The following SPINK9 variants were observed in gnomAD, a reference collection of about 807,000 sequenced individuals.
SPINK9 encodes the protein serine protease inhibitor Kazal-type 9.
SPINK9 carries 3 observed loss-of-function variants against 10.8 expected under a neutral mutation model. That is an observed-to-expected ratio of 0.28 (90% confidence interval 0.13 to 0.72). The LOEUF (loss-of-function observed/expected upper bound fraction) is 0.72. SPINK9 is among the 30% of genes least tolerant of loss of function. The probability of loss-of-function intolerance (pLI) is 0.74; values close to 1 mark genes in which losing one functional copy is unlikely to be tolerated. For synonymous variants in SPINK9, 30 were observed against 31.2 expected (o/e 0.96, Z 0.12); for missense variants, 101 against 103.2 (o/e 0.98, Z 0.09).
chr5:148,339,507 C>T (rs186369153), intron 3 of SPINK9, among the ~76,000 whole-genome samples, 160 bp from the exon 4 acceptor site: 4 of 152,096 alleles, frequency 2.6e-5, no homozygotes, highest in South Asian at 4.1e-4. Flanking sequence ...ATAATCAGCA[C>T]CAGTTTCAAA....
At chr5:148,333,254 G>A (rs765869063), upstream of SPINK9, among the ~76,000 whole-genome samples, 3 of 152,164 alleles carry the variant, frequency 2.0e-5, no homozygotes, top group Non-Finnish European at 4.4e-5. Flanking sequence ...TTTTTACATA[G>A]CATTTTCCAA....
upstream of SPINK9, among the ~76,000 whole-genome samples, chr5:148,331,850 G>T (rs1021777074): frequency 6.6e-6 from 1 of 152,102 alleles, no homozygotes; most frequent in Non-Finnish European, 1.5e-5. Context: ...ATACTGTTTT[G>T]ATTACTATAG....
intron 2 of SPINK9, among the ~76,000 whole-genome samples, chr5:148,328,135 T>C (rs1005434740): frequency 4.6e-5 from 7 of 152,250 alleles, no homozygotes; most frequent in South Asian, 4.1e-4. Context: ...TTCCTATCCA[T>C]GAGCAAGGAA....
intron 1 of SPINK9, 145 bp downstream of exon 1, chr5:148,335,813 A>C: frequency 1.1e-6 from 1 of 887,262 alleles, no homozygotes. Flanking sequence ...CAACCAACGA[A>C]TTGCTAAATC....
upstream of SPINK9, among the ~76,000 whole-genome samples, chr5:148,332,191 A>T (rs188669144): frequency 6.6e-6 from 1 of 152,320 alleles, no homozygotes; most frequent in African/African-American, 2.4e-5. Flanking sequence ...TAACGTGATA[A>T]ATCTGTTCCT....
At chr5:148,322,509 T>C (rs1047185883) in intron 1 of SPINK9, among the ~76,000 whole-genome samples, 5 of 152,194 alleles carry the variant, frequency 3.3e-5, no homozygotes, top group African/African-American at 1.2e-4. Context: ...ATTGCTTATG[T>C]GGAAGTCCAA....
Position 148,335,593 on chromosome 5 carries a change from T to C in SPINK9, c.-21T>C. The C allele has an allele frequency of 6.2e-7, 1 of 1,612,804 alleles. No individual in the cohort carries two copies. The highest frequency in any genetic ancestry group is 8.5e-7 in the Non-Finnish European group (1 of 1,179,348). On this transcript the variant is annotated 5_prime_UTR_variant, in exon 1 of 4. Coordinates refer to ENST00000377906, the MANE Select transcript of SPINK9 (RefSeq NM_001040433.2). ...GTCACTTCTTTTCCCTACATCTGAC[T>C]GCCTTGGCCACTTCAGTACTATGAG...
intron 1 of SPINK9, among the ~76,000 whole-genome samples, chr5:148,323,064 G>A (rs1757016785): frequency 6.6e-6 from 1 of 151,906 alleles, no homozygotes; most frequent in Non-Finnish European, 1.5e-5. Context: ...ATACAATTAT[G>A]GAATACAGAA....
intron 2 of SPINK9, among the ~76,000 whole-genome samples, chr5:148,328,896 T>A (rs1044032395): frequency 3.9e-5 from 6 of 152,224 alleles, no homozygotes; most frequent in African/African-American, 1.4e-4. Context: ...GTTGCTGGAT[T>A]CGGTTTGCCA....
intron 2 of SPINK9, among the ~76,000 whole-genome samples, chr5:148,327,955 G>C (rs75651515): frequency 0.34 from 50,526 of 147,272 alleles, 8,746 homozygotes; most frequent in East Asian, 0.55. Context: ...CTCCAGCTTT[G>C]TTCTTTTGGC....
intron 3 of SPINK9, 80 bp from the exon 4 acceptor site, chr5:148,339,587 G>A (rs1485457861): frequency 8.2e-7 from 1 of 1,214,450 alleles, no homozygotes; most frequent in Non-Finnish European, 1.2e-6. Flanking sequence ...ACATTTTTGG[G>A]ATTCATTAGT....
At chr5:148,323,909 AT>A (rs938190353) in intron 2 of SPINK9, 1 of 670,706 alleles carries the variant, frequency 1.5e-6, no homozygotes, top group African/African-American at 1.8e-5. Flanking sequence ...TATCTAAAGT[AT>A]TTCTTTCCTT....
chr5:148,330,426 T>C (rs1757132937), intron 2 of SPINK9, among the ~76,000 whole-genome samples: 1 of 152,228 alleles, frequency 6.6e-6, no homozygotes, highest in African/African-American at 2.4e-5. Flanking sequence ...GTTTCCTGAA[T>C]ACAGCACACT....
rs542816144 is a variant in SPINK9, at chr5:148,323,467, A to C, written c.-72-212A>C. On this transcript the variant is annotated intron_variant, in intron 1 of 4. Coordinates refer to the SPINK9 transcript ENST00000511717. ...TCAAATGAGTTCCCACTGAAGTGTG[A>C]TGCTGATGATAAAAGACTGGTTTTT... Among the ~76,000 whole-genome samples the C allele has an allele frequency of 2.0e-5, 3 of 152,308 alleles. No homozygotes were observed. The South Asian group carries it at 6.2e-4, about 32-fold the overall frequency.
intron 1 of SPINK9, among the ~76,000 whole-genome samples, chr5:148,323,428 A>G (rs1313519062): frequency 1.3e-5 from 2 of 152,180 alleles, no homozygotes; most frequent in African/African-American, 4.8e-5. Flanking sequence ...CAATAATCTA[A>G]AAACAGAAAT....
chr5:148,331,358 T>G (rs982895956), upstream of SPINK9, among the ~76,000 whole-genome samples: 4 of 152,204 alleles, frequency 2.6e-5, no homozygotes, highest in Non-Finnish European at 5.9e-5. Context: ...CTAGGTGCAA[T>G]AAACCAAGCA....
intron 1 of SPINK9, chr5:148,323,605 C>T: frequency 2.0e-6 from 1 of 495,228 alleles, no homozygotes; most frequent in Admixed American, 3.7e-5. Context: ...TAAATCATTC[C>T]CACATGGGAA....
At chr5:148,333,809 C>A (rs549474986), upstream of SPINK9, among the ~76,000 whole-genome samples, 4 of 152,294 alleles carry the variant, frequency 2.6e-5, no homozygotes, top group East Asian at 7.7e-4. Flanking sequence ...CTCTGTACCT[C>A]ACTTCATTCA....
chr5:148,330,913 T>C (rs1467779163), upstream of SPINK9, among the ~76,000 whole-genome samples: 1 of 152,224 alleles, frequency 6.6e-6, no homozygotes, highest in Non-Finnish European at 1.5e-5. Flanking sequence ...TCTCCTGTTG[T>C]GCTGTTTGCT....
Sources: gnomAD v4.1 joint callset for allele counts (sites outside exome capture counted in the v4.1 genomes callset) on GRCh38, gnomAD v4.1.1 for gene constraint, MANE v1.5 for transcripts, NCBI Gene and HGNC (gene_info 2026-07-23, HGNC 2026-07-21) for gene names.